Variants in ACOXL observed in about 807,000 individuals in gnomAD.
ACOXL encodes the protein acyl-CoA oxidase like.
A neutral mutation model predicts 71.9 loss-of-function variants in ACOXL; 70 were observed. The ratio of observed to expected loss-of-function variants is 0.97; its 90% CI spans 0.80 to 1.19. ACOXL has a LOEUF of 1.19. Ranked by LOEUF, ACOXL falls within the 50% of genes most tolerant of loss-of-function variation. The pLI, the probability that ACOXL is intolerant of heterozygous loss-of-function variation, is 0.00. For missense variants in ACOXL, 703 were observed against 736.3 expected, an observed-to-expected ratio of 0.95 and a Z score of 0.52; for synonymous variants, 253 against 281.6, an observed-to-expected ratio of 0.90 and a Z score of 1.02.
intron 16 of ACOXL, among the ~76,000 whole-genome samples, chr2:111,082,172 G>A (rs1443352072): frequency 2.6e-5 from 4 of 152,084 alleles, no homozygotes; most frequent in Admixed American, 1.3e-4. Context: ...TGACAAATGG[G>A]ATCCAATTAA....
chr2:110,795,702 G>A (rs1685200420), intron 5 of ACOXL: 2 of 152,218 alleles, frequency 1.3e-5, no homozygotes, highest in African/African-American at 4.8e-5. Context: ...TTTTCTGCCA[G>A]TGGTGGCATG....
intron 3 of ACOXL, among the ~76,000 whole-genome samples, chr2:110,786,444 G>A (rs932582661): frequency 2.6e-5 from 4 of 152,196 alleles, no homozygotes; most frequent in Admixed American, 2.6e-4. Flanking sequence ...GGATGGGTTG[G>A]CTGTGGCTTT....
intron 11 of ACOXL, among the ~76,000 whole-genome samples, chr2:110,927,355 G>A (rs985026816): frequency 1.2e-4 from 18 of 152,154 alleles, no homozygotes; most frequent in Non-Finnish European, 1.9e-4. Flanking sequence ...TCAAGCTCAA[G>A]CTCCCGCATG....
intron 16 of ACOXL, among the ~76,000 whole-genome samples, chr2:111,092,663 C>T (rs899307177): frequency 3.3e-5 from 5 of 152,056 alleles, no homozygotes; most frequent in African/African-American, 1.2e-4. Flanking sequence ...TTTGTATATG[C>T]TTTAAATTTT....
Position 110,801,646 on chromosome 2 carries a change from T to G in ACOXL, c.548-6T>G. On this transcript the variant is annotated splice_polypyrimidine_tract_variant and splice_region_variant and intron_variant, in intron 7 of 17. Transcript: ENST00000439055. The stretch of plus-strand genomic sequence containing the variant: ...TGCATCCATTTCCCCTTTCTATTCT[T>G]GCCAGGTCTGCATGGTGTGGACAAT... 1 of 1,613,716 alleles carries G rather than the reference T, an allele frequency of 6.2e-7. No individual in the cohort carries two copies. The highest frequency in any genetic ancestry group is 1.1e-5 in the South Asian group (1 of 91,020).
chr2:110,828,582 G>A (rs1322818009), intron 9 of ACOXL, among the ~76,000 whole-genome samples: 2 of 152,222 alleles, frequency 1.3e-5, no homozygotes, highest in Non-Finnish European at 1.5e-5. Context: ...CAGAGTGTGA[G>A]CGTTGTACTA....
chr2:111,076,126 T>TC (rs1478394246), intron 16 of ACOXL, among the ~76,000 whole-genome samples: 1 of 152,200 alleles, frequency 6.6e-6, no homozygotes, highest in East Asian at 1.9e-4. Flanking sequence ...TCCTTGCTGA[T>TC]CTTCTGTCAA....
chr2:110,888,570 C>T (rs979303196), intron 10 of ACOXL, among the ~76,000 whole-genome samples: 1 of 152,156 alleles, frequency 6.6e-6, no homozygotes, highest in African/African-American at 2.4e-5. Flanking sequence ...ACTAATAGGG[C>T]CCATATTCTC....
chr2:111,085,314 A>G (rs192771016), intron 16 of ACOXL, among the ~76,000 whole-genome samples: 3 of 152,314 alleles, frequency 2.0e-5, no homozygotes, highest in Admixed American at 1.3e-4. Flanking sequence ...TCTAAAATTG[A>G]CCACACAGTC....
chr2:110,935,080 G>C (rs1311647566), intron 12 of ACOXL, among the ~76,000 whole-genome samples: 2 of 152,060 alleles, frequency 1.3e-5, no homozygotes, highest in South Asian at 4.1e-4. Flanking sequence ...GGATTCGGGG[G>C]TAGAGTAAGG....
intron 1 of ACOXL, among the ~76,000 whole-genome samples, chr2:110,763,133 G>C (rs993099934): frequency 6.6e-6 from 1 of 152,112 alleles, no homozygotes; most frequent in East Asian, 1.9e-4. Flanking sequence ...AAGATTAAAC[G>C]TCATCTCAAT....
chr2:111,115,990 A>G (rs997453343), intron 17 of ACOXL, among the ~76,000 whole-genome samples: 1 of 152,022 alleles, frequency 6.6e-6, no homozygotes, highest in Non-Finnish European at 1.5e-5. Context: ...TAAAACCCAT[A>G]CTCTATTTTA....
At chr2:110,839,002 C>T (rs1301393148) in intron 9 of ACOXL, among the ~76,000 whole-genome samples, 1 of 152,182 alleles carries the variant, frequency 6.6e-6, no homozygotes, top group Non-Finnish European at 1.5e-5. Context: ...TTAAGAATGA[C>T]AATAAAACAT....
chr2:111,013,466 T>C (rs1275873798), intron 14 of ACOXL, among the ~76,000 whole-genome samples: 1 of 136,958 alleles, frequency 7.3e-6, no homozygotes, highest in Non-Finnish European at 1.5e-5. Context: ...GAGATTGCAG[T>C]GAGCTGAGAT....
At chr2:110,830,619 C>T (rs555291543) in intron 9 of ACOXL, among the ~76,000 whole-genome samples, 4 of 152,068 alleles carry the variant, frequency 2.6e-5, no homozygotes, top group African/African-American at 7.2e-5. Context: ...CTGCAAGCTC[C>T]GCCTCCCAGG....
chr2:110,939,663 A>G (rs2060796797), intron 12 of ACOXL, among the ~76,000 whole-genome samples: 1 of 152,218 alleles, frequency 6.6e-6, no homozygotes, highest in African/African-American at 2.4e-5. Flanking sequence ...CTTTTTGGGA[A>G]TCAAGTATTT....
intron 10 of ACOXL, among the ~76,000 whole-genome samples, chr2:110,904,717 G>A (rs1363058702): frequency 1.3e-5 from 2 of 152,198 alleles, no homozygotes; most frequent in Non-Finnish European, 2.9e-5. Context: ...AGGGCATGAA[G>A]GGAAAATGTG....
At chr2:110,968,504 C>T in intron 12 of ACOXL, 1 of 1,310,528 alleles carries the variant, frequency 7.6e-7, no homozygotes, top group Non-Finnish European at 1.1e-6. Flanking sequence ...AAACAGTTCT[C>T]TCAATACACA....
intron 1 of ACOXL, among the ~76,000 whole-genome samples, chr2:110,761,749 C>T (rs776067808): frequency 1.3e-5 from 2 of 152,240 alleles, no homozygotes; most frequent in Non-Finnish European, 2.9e-5. Flanking sequence ...CTGGCCAAAT[C>T]AGCTAACTTC....
Sources: allele counts gnomAD v4.1 joint callset (sites outside exome capture counted in the v4.1 genomes callset), GRCh38; gene constraint gnomAD v4.1.1; transcripts MANE v1.5; gene names NCBI Gene and HGNC (gene_info 2026-07-23, HGNC 2026-07-21).